ZFHX3: variants seen among roughly 807,000 people sequenced by gnomAD.
ZFHX3 encodes zinc finger homeobox 3.
A neutral mutation model predicts 279.1 loss-of-function variants in ZFHX3; 42 were observed. The ratio of observed to expected loss-of-function variants is 0.15; its 90% CI spans 0.12 to 0.19. The LOEUF is 0.19. Among genes scored for constraint, ZFHX3 ranks in the 10% least tolerant of loss-of-function variants. ZFHX3 has a pLI of 1.00. For synonymous variants in ZFHX3, 2,293 were observed against 1,957.8 expected, an observed-to-expected ratio of 1.17 and a Z score of -4.52; for missense variants, 4,981 against 4,754.0, an observed-to-expected ratio of 1.05 and a Z score of -1.40.
At chr16:72,868,668 A>G (rs140609050) in intron 4 of ZFHX3, among the ~76,000 whole-genome samples, 208 of 152,320 alleles carry the variant, frequency 1.4e-3, no homozygotes, top group South Asian at 4.8e-3. Context: ...GCAGATCTTC[A>G]GTTTTCAGGG....
intron 5 of ZFHX3, among the ~76,000 whole-genome samples, chr16:73,173,582 G>A (rs141606299): frequency 1.3e-5 from 2 of 152,056 alleles, no homozygotes; most frequent in African/African-American, 4.8e-5. Flanking sequence ...ACAATGCTCT[G>A]CTCTCTTGCA....
At chr16:73,027,665 C>A (rs921965407) in intron 1 of ZFHX3, among the ~76,000 whole-genome samples, 2 of 152,120 alleles carry the variant, frequency 1.3e-5, no homozygotes, top group Admixed American at 6.5e-5. Context: ...CTCCCCACTG[C>A]CCCCACCACC....
At chr16:73,754,227 G>A (rs770928372) in intron 1 of ZFHX3, among the ~76,000 whole-genome samples, 3 of 152,056 alleles carry the variant, frequency 2.0e-5, no homozygotes, top group South Asian at 2.1e-4. Context: ...AAAAACGTCC[G>A]CAGCCTGATC....
intron 1 of ZFHX3, among the ~76,000 whole-genome samples, chr16:73,782,026 T>A (rs1959489526): frequency 6.6e-6 from 1 of 152,120 alleles, no homozygotes; most frequent in South Asian, 2.1e-4. Flanking sequence ...AAGGCTACCC[T>A]GGAAGTTGAG....
chr16:73,108,021 C>T (rs750783699), intron 7 of ZFHX3, among the ~76,000 whole-genome samples: 3 of 152,024 alleles, frequency 2.0e-5, no homozygotes, highest in Non-Finnish European at 4.4e-5. Flanking sequence ...ATTAGCCAGG[C>T]GTGGTGGCGG....
chr16:73,027,791 A>C (rs969631162), intron 1 of ZFHX3, among the ~76,000 whole-genome samples: 1 of 152,154 alleles, frequency 6.6e-6, no homozygotes, highest in Non-Finnish European at 1.5e-5. Flanking sequence ...CCTCACTTTG[A>C]GATATGATGT....
chr16:73,839,172 C>T (rs563149830), intron 1 of ZFHX3, among the ~76,000 whole-genome samples: 122 of 151,396 alleles, frequency 8.1e-4, no homozygotes, highest in African/African-American at 2.9e-3. Context: ...TCCTGGTGAA[C>T]ATGGTGAAAC....
At chr16:73,448,999 A>G (rs2018239640) in intron 3 of ZFHX3, among the ~76,000 whole-genome samples, 1 of 152,212 alleles carries the variant, frequency 6.6e-6, no homozygotes, top group African/African-American at 2.4e-5. Flanking sequence ...TATGTTTCAT[A>G]GAATATAATG....
chr16:73,494,786 T>C (rs886842782), intron 2 of ZFHX3, among the ~76,000 whole-genome samples: 1 of 151,944 alleles, frequency 6.6e-6, no homozygotes, highest in Non-Finnish European at 1.5e-5. Flanking sequence ...CAGGCTGGTC[T>C]CGAACTCCCA....
At chr16:73,873,189 ATGGTGGGTGGTGGTGGGTGGTAGTGGG>A (rs2029872165) in intron 1 of ZFHX3, among the ~76,000 whole-genome samples, 4 of 17,294 alleles carry the variant, frequency 2.3e-4, no homozygotes, top group East Asian at 1.5e-3. Context: ...GTGGTGGTGG[ATGGTGGGTGGTGGTGGGTGGTAGTGGG>A]TGGTGGGTGG....
At chr16:72,961,749 T>C (rs1961589164) in intron 1 of ZFHX3, among the ~76,000 whole-genome samples, 1 of 152,028 alleles carries the variant, frequency 6.6e-6, no homozygotes, top group Admixed American at 6.6e-5. Flanking sequence ...TTTGGAAGAA[T>C]AAAGCTATGA....
chr16:73,702,412 T>G (rs985359717), intron 1 of ZFHX3, among the ~76,000 whole-genome samples: 2 of 152,138 alleles, frequency 1.3e-5, no homozygotes, highest in Non-Finnish European at 2.9e-5. Flanking sequence ...AGAACTGTGA[T>G]GAGTGGCGGT....
At chr16:72,898,403 G>C (rs2038950392) in intron 3 of ZFHX3, among the ~76,000 whole-genome samples, 1 of 152,194 alleles carries the variant, frequency 6.6e-6, no homozygotes. Flanking sequence ...TCCAAGGCCA[G>C]AGCGGAGACT....
chr16:73,293,628 G>A (rs1438730866), intron 4 of ZFHX3, among the ~76,000 whole-genome samples: 1 of 152,128 alleles, frequency 6.6e-6, no homozygotes, highest in African/African-American at 2.4e-5. Flanking sequence ...ACTCTTTCTG[G>A]GCACAGTCAC....
chr16:72,806,786 AG>A (rs1205577637), intron 7 of ZFHX3, among the ~76,000 whole-genome samples: 1 of 152,194 alleles, frequency 6.6e-6, no homozygotes, highest in Non-Finnish European at 1.5e-5. Context: ...GGAGCATGGA[AG>A]GGAAACTGTG....
chr16:73,066,366 C>G (rs1965753018), intron 8 of ZFHX3, among the ~76,000 whole-genome samples: 1 of 152,210 alleles, frequency 6.6e-6, no homozygotes. Context: ...ATGCTGATCC[C>G]AGTTCACGGA....
chr16:73,813,806 C>T (rs934718642), intron 1 of ZFHX3: 4 of 152,226 alleles, frequency 2.6e-5, no homozygotes, highest in African/African-American at 7.2e-5. Context: ...CTTCCCGGAG[C>T]GGAGACACAG....
At chr16:73,664,374 A>C (rs1485492311) in intron 2 of ZFHX3, among the ~76,000 whole-genome samples, 1 of 152,240 alleles carries the variant, frequency 6.6e-6, no homozygotes, top group East Asian at 1.9e-4. Flanking sequence ...AAAATCGAAG[A>C]TGGCTTAAGG....
intron 5 of ZFHX3, among the ~76,000 whole-genome samples, chr16:73,180,758 G>T (rs1190272393): frequency 6.6e-6 from 1 of 152,034 alleles, no homozygotes; most frequent in African/African-American, 2.4e-5. Flanking sequence ...CGCTTCCCGG[G>T]TTCAAGCGAT....
Sources: gnomAD v4.1 joint callset for allele counts (sites outside exome capture counted in the v4.1 genomes callset) on GRCh38, gnomAD v4.1.1 for gene constraint, MANE v1.5 for transcripts, NCBI Gene and HGNC (gene_info 2026-07-23, HGNC 2026-07-21) for gene names.